The following DGKA variants were observed in gnomAD, a reference collection of about 807,000 sequenced individuals.
DGKA encodes diacylglycerol kinase alpha, also known as 80 kDa diacylglycerol kinase.
A neutral mutation model predicts 105.0 loss-of-function variants in DGKA; 35 were observed. The ratio of observed to expected loss-of-function variants is 0.33; its 90% CI spans 0.25 to 0.44. The LOEUF (loss-of-function observed/expected upper bound fraction) is 0.44. DGKA is among the 20% of genes least tolerant of loss of function. The pLI, the probability that DGKA is intolerant of heterozygous loss-of-function variation, is 1.00. For synonymous variants in DGKA, 296 were observed against 332.0 expected, an observed-to-expected ratio of 0.89 and a Z score of 1.18; for missense variants, 665 against 915.0, an observed-to-expected ratio of 0.73 and a Z score of 3.53.
At position 55,936,409 on chromosome 12, in the gene DGKA, T is replaced by G; in HGVS notation, c.-81-14T>G. 6.5e-7 allele frequency: 1 copy of G among 1,529,692 alleles called. No homozygotes were observed. Among genetic ancestry groups the G allele is most frequent in the Non-Finnish European group, 8.8e-7 (1 of 1,138,464 alleles). The allele number at this position is 1,529,692 out of a possible 1,614,324, so 94.8% of individuals were successfully genotyped here. On this transcript the variant is annotated splice_polypyrimidine_tract_variant and intron_variant, in intron 1 of 23. Transcript: ENST00000331886. The stretch of plus-strand genomic sequence containing the variant: ...CTGGCTCTTCCCACTGTACGCTCTG[T>G]CACCTTTCCCCAGGCCTACCCTCTG...
intron 17 of DGKA, among the ~76,000 whole-genome samples, chr12:55,948,743 G>A: frequency 6.6e-6 from 1 of 151,866 alleles, no homozygotes; most frequent in East Asian, 1.9e-4. Context: ...ACACAAATGG[G>A]CTGGGCGCAG....
At chr12:55,927,862 G>C, upstream of DGKA, 1 of 1,446,954 alleles carries the variant, frequency 6.9e-7, no homozygotes, top group Non-Finnish European at 9.2e-7. Flanking sequence ...GAGGGCCCTA[G>C]TTGCTTCTCG....
chr12:55,932,807 T>C lies in DGKA; in HGVS notation c.-82+1463T>C. ...GTGGAGGCTTAATAAGTTTTGAGGCTTCAAGCAAATGATTCCCTCTTGAGG... is the reference window on the plus strand; with the variant it reads ...GTGGAGGCTTAATAAGTTTTGAGGCCTCAAGCAAATGATTCCCTCTTGAGG... On this transcript the variant is annotated intron_variant, in intron 1 of 23. Coordinates refer to ENST00000331886, the MANE Select transcript of DGKA (RefSeq NM_001345.5). The surrounding 1 kb of genome is among the most constrained non-coding windows in gnomAD (Gnocchi z 4.3). 5.5e-6 allele frequency: 3 copies of C among 546,594 alleles called. No individual in the cohort carries two copies. The South Asian group carries it at 6.7e-5, about 12-fold the overall frequency. 33.9% of individuals were successfully genotyped at this position (546,594 alleles called of 1,614,324 possible).
Position 55,952,255 on chromosome 12 carries a change from T to C in DGKA, c.1653-86T>C. On this transcript the variant is annotated intron_variant, in intron 19 of 23. Coordinates refer to ENST00000331886, the MANE Select transcript of DGKA (RefSeq NM_001345.5). The surrounding 1 kb of genome is among the most constrained non-coding windows in gnomAD (Gnocchi z 5.1). Reference sequence around the variant, plus strand: ...CCCCATGGGACTAAAGTTAGGAGGTTGATGCCCTTCCCTGTCACGTACCAC... The same window carrying C: ...CCCCATGGGACTAAAGTTAGGAGGTCGATGCCCTTCCCTGTCACGTACCAC... 6.6e-7 allele frequency: 1 copy of C among 1,517,152 alleles called. No homozygotes were observed. The highest frequency in any genetic ancestry group is 9.2e-7 in the Non-Finnish European group (1 of 1,092,396). The allele number at this position is 1,517,152 out of a possible 1,614,324, so 94.0% of individuals were successfully genotyped here. A position where few individuals can be genotyped will look rare whatever the true frequency, so the allele number is the denominator to read the frequency against.
intron 17 of DGKA, among the ~76,000 whole-genome samples, chr12:55,949,958 A>G (rs905262679): frequency 1.7e-4 from 25 of 150,694 alleles, no homozygotes; most frequent in Non-Finnish European, 2.9e-4. Context: ...CTACAGTCAC[A>G]TGCCACCACA....
At chr12:55,935,708 G>C (rs910605153) in intron 1 of DGKA, 1 of 170,646 alleles carries the variant, frequency 5.9e-6, no homozygotes, top group Non-Finnish European at 1.2e-5. Flanking sequence ...GGTACCCAGA[G>C]TCTCTTCCCC....
At position 55,936,453 on chromosome 12, in the gene DGKA, A is replaced by G. The variant is rs1271595032; in HGVS notation, c.-51A>G. The G allele has an allele frequency of 6.2e-7, 1 of 1,603,236 alleles. No homozygotes were observed. The highest frequency in any genetic ancestry group is 8.5e-7 in the Non-Finnish European group (1 of 1,173,198). On this transcript the variant is annotated 5_prime_UTR_variant, in exon 2 of 24. Transcript: ENST00000331886. ...CCCTCTGAAGAGGTCCAAGCAACGG[A>G]AGTACTACTACGAAGCTGCCTTTCT...
rs547996436 is a variant in DGKA at position 55,952,676 on chromosome 12, A to G, written c.1744-58A>G. The G allele has an allele frequency of 3.3e-5, 53 of 1,584,846 alleles. No homozygotes were observed. The highest frequency in any genetic ancestry group is 2.2e-4 in the South Asian group (20 of 90,254). On this transcript the variant is annotated intron_variant, in intron 20 of 23. Transcript: ENST00000331886. This position sits in a 1 kb window ranked among gnomAD's most constrained non-coding sequence, Gnocchi z 5.1. Reference sequence around the variant, plus strand: ...GGAGGGAGCGATCACATCTATGATCATGCCATGAGGTGAGGATCTGTACCC... The same window carrying G: ...GGAGGGAGCGATCACATCTATGATCGTGCCATGAGGTGAGGATCTGTACCC...
Position 55,932,450 on chromosome 12 carries a change from G to T in DGKA, c.-82+1106G>T, listed in dbSNP as rs1226293483. 4.4e-6 allele frequency: 3 copies of T among 686,736 alleles called. No individual in the cohort carries two copies. Among genetic ancestry groups the T allele is most frequent in the East Asian group, 2.7e-5 (1 of 37,090 alleles). The allele number at this position is 686,736 out of a possible 1,614,324, so 42.5% of individuals were successfully genotyped here. A position where few individuals can be genotyped will look rare whatever the true frequency, so the allele number is the denominator to read the frequency against. ...CCACAGTGCCGCACGGGTGGAGAAG[G>T]GTTCTTGTTTGGCCTCCAGGTCCCC... is the stretch of plus-strand genomic sequence containing the variant. On this transcript the variant is annotated intron_variant, in intron 1 of 23. Coordinates refer to ENST00000331886, the MANE Select transcript of DGKA (RefSeq NM_001345.5). The surrounding 1 kb of genome is among the most constrained non-coding windows in gnomAD (Gnocchi z 4.3).
Position 55,939,284 on chromosome 12 carries a change from A to G in DGKA, c.573A>G (p.Leu191=), listed in dbSNP as rs370359046. ...VRAGATTVPL[L]VLLGLEMTLK... ...CTGGGGCCACCACCGTGCCACTGCT[A>G]GTGCTGCTGGGTCTGGAGATGGTGA... Residue 191 remains leucine, a synonymous_variant, in exon 8 of 24, where the codon CTA becomes CTG. Coordinates refer to ENST00000331886, the MANE Select transcript of DGKA (RefSeq NM_001345.5). 3.5e-4 allele frequency: 560 copies of G among 1,613,946 alleles called. No individual in the cohort carries two copies. Among genetic ancestry groups the G allele is most frequent in the Non-Finnish European group, 4.2e-4 (497 of 1,179,966 alleles).
At chr12:55,943,052 T>G (rs745472173) in intron 17 of DGKA, among the ~76,000 whole-genome samples, 3 of 151,954 alleles carry the variant, frequency 2.0e-5, no homozygotes, top group Non-Finnish European at 4.4e-5. Context: ...TTGAGCAGAG[T>G]CCAGATGATG....
At chr12:55,941,414 G>C in intron 14 of DGKA, 89 bp downstream of exon 14, 1 of 1,582,056 alleles carries the variant, frequency 6.3e-7, no homozygotes, top group Non-Finnish European at 8.7e-7. Context: ...TGTGTCTGGA[G>C]GGGCATACCT....
At chr12:55,933,357 A>G (rs1884036206) in intron 1 of DGKA, 1 of 152,208 alleles carries the variant, frequency 6.6e-6, no homozygotes, top group African/African-American at 2.4e-5. Flanking sequence ...CAGGGAAACC[A>G]GAGGAGGGAA....
rs1885600264 is a variant in DGKA, at chr12:55,940,189, C to G, written c.798+19C>G. The G allele has an allele frequency of 6.2e-7, 1 of 1,613,478 alleles. No individual in the cohort carries two copies. The highest frequency in any genetic ancestry group is 8.5e-7 in the Non-Finnish European group (1 of 1,179,354). ...CATTGGTGTGAGTGATCTCATGCCT[C>G]CACCCCCAACATCACCTACATCCTG... On this transcript the variant is annotated intron_variant, in intron 10 of 23. Transcript: ENST00000331886. This position sits in a 1 kb window ranked among gnomAD's most constrained non-coding sequence, Gnocchi z 4.3.
intron 17 of DGKA, 124 bp from the exon 18 acceptor site, chr12:55,951,499 G>C (rs1038148899): frequency 1.5e-4 from 150 of 1,001,572 alleles, no homozygotes; most frequent in Middle Eastern, 2.7e-4. Context: ...CCTGTCACTG[G>C]CTAGGGCTGG....
intron 5 of DGKA, 148 bp from the exon 6 acceptor site, chr12:55,938,363 C>CT (rs1205144992): frequency 9.9e-7 from 1 of 1,009,842 alleles, no homozygotes; most frequent in Non-Finnish European, 1.5e-6. Flanking sequence ...TTTTCCTTTC[C>CT]TTTTTGTCTC....
At chr12:55,941,853 T>C in intron 15 of DGKA, 145 bp from the exon 16 acceptor site, 1 of 908,216 alleles carries the variant, frequency 1.1e-6, no homozygotes. Flanking sequence ...TGTTCTTTTC[T>C]GTGACCTTCA....
At position 55,937,081 on chromosome 12, in the gene DGKA, C is replaced by A; in HGVS notation, c.129C>A (p.Val43=). The A allele has an allele frequency of 6.2e-7, 1 of 1,614,062 alleles. No individual in the cohort carries two copies. The highest frequency in any genetic ancestry group is 8.5e-7 in the Non-Finnish European group (1 of 1,180,006). Residue 43 remains valine (V), a synonymous_variant, in exon 3 of 24, where the codon GTC becomes GTA. Coordinates refer to ENST00000331886, the MANE Select transcript of DGKA (RefSeq NM_001345.5). ...AGGATGGCGAGATGGCTAAATATGT[C>A]CAAGGAGATGTGAGTGGCAGCTGGG... ...LFEDGEMAKY[V]QGDAIGYEGF...
intron 13 of DGKA, 109 bp from the exon 14 acceptor site, chr12:55,941,143 G>C (rs897663917): frequency 3.3e-5 from 45 of 1,376,070 alleles, no homozygotes; most frequent in Non-Finnish European, 4.2e-5. Flanking sequence ...CAGGAGGGAG[G>C]GGGGAAATAT....
Sources: gnomAD v4.1 joint callset for allele counts (sites outside exome capture counted in the v4.1 genomes callset) on GRCh38, gnomAD v4.1.1 for gene constraint, Gnocchi (gnomAD v3.1) non-coding constraint, MANE v1.5 for transcripts, NCBI Gene and HGNC (gene_info 2026-07-23, HGNC 2026-07-21) for gene names.